Variants in PCDHA3 observed in about 807,000 individuals in gnomAD.
PCDHA3 encodes the protein protocadherin alpha-3.
Under a neutral mutation model 62.2 loss-of-function variants are expected in PCDHA3, and 41 were observed. The ratio of observed to expected loss-of-function variants is 0.66; its 90% CI spans 0.51 to 0.86. PCDHA3 has a LOEUF of 0.86. PCDHA3 is among the 40% of genes least tolerant of loss of function. The probability of loss-of-function intolerance (pLI) is 0.00; values close to 1 mark genes in which losing one functional copy is unlikely to be tolerated. For synonymous variants in PCDHA3, 640 were observed against 555.4 expected (o/e 1.15, Z -2.14); for missense variants, 1,304 against 1,241.2 (o/e 1.05, Z -0.76).
In PCDHA3 at chr5:140,935,562, C is replaced by T. The variant is rs180759633; in HGVS notation, c.2395-43387C>T. Among the ~76,000 whole-genome samples, 423 of 152,262 alleles carry T rather than the reference C, an allele frequency of 2.8e-3. 2 individuals carry two copies. The highest frequency in any genetic ancestry group is 0.014 in the Middle Eastern group (4 of 294). On this transcript the variant is annotated intron_variant, in intron 1 of 3. Transcript: ENST00000522353. Reference sequence around the variant, plus strand: ...TGTTTTAAAGTATCTTGGAAAAGTTCCTCTCTGTGTAGTTAAGCCACCAGC... The same window carrying T: ...TGTTTTAAAGTATCTTGGAAAAGTTTCTCTCTGTGTAGTTAAGCCACCAGC...
At chr5:140,867,584 T>G (rs1386448666) in intron 1 of PCDHA3, 4 of 152,130 alleles carry the variant, frequency 2.6e-5, no homozygotes, top group Non-Finnish European at 5.9e-5. Context: ...CTTGCAGTAT[T>G]TTTAGATTGG....
chr5:140,830,427 G>A, intron 1 of PCDHA3: 1 of 1,613,868 alleles, frequency 6.2e-7, no homozygotes, highest in Non-Finnish European at 8.5e-7. Flanking sequence ...CTTTCACCTT[G>A]TCCTATTATG....
intron 1 of PCDHA3, chr5:140,870,093 A>G (rs1554163808): frequency 6.8e-6 from 11 of 1,613,930 alleles, no homozygotes; most frequent in Non-Finnish European, 9.3e-6. Context: ...CCCCAATGGC[A>G]GGTCACTGTA....
chr5:140,898,338 C>G (rs2066670384), intron 1 of PCDHA3, among the ~76,000 whole-genome samples: 2 of 152,188 alleles, frequency 1.3e-5, no homozygotes, highest in African/African-American at 2.4e-5. Flanking sequence ...ACGTTTAAGT[C>G]TTTAATCCAT....
intron 2 of PCDHA3, among the ~76,000 whole-genome samples, chr5:140,981,993 G>A (rs533430599): frequency 6.6e-6 from 1 of 152,272 alleles, no homozygotes; most frequent in Admixed American, 6.5e-5. Flanking sequence ...TAGAAAATAA[G>A]GTTAAGAATT....
chr5:140,895,668 T>C (rs2065102216), intron 1 of PCDHA3, among the ~76,000 whole-genome samples: 1 of 152,170 alleles, frequency 6.6e-6, no homozygotes, highest in South Asian at 2.1e-4. Flanking sequence ...TGAGAACATG[T>C]AGTATTTGGT....
intron 1 of PCDHA3, among the ~76,000 whole-genome samples, chr5:140,906,294 T>C (rs1554192469): frequency 1.3e-5 from 2 of 152,278 alleles, no homozygotes; most frequent in East Asian, 3.9e-4. Flanking sequence ...AAGACAATAA[T>C]AAGGTCATAA....
In PCDHA3 at chr5:140,896,536, C is replaced by CTTT. The variant is rs34213614; in HGVS notation, c.2395-82403_2395-82401dup. 9.4e-4 allele frequency among the ~76,000 whole-genome samples: 137 copies of CTTT among 145,660 alleles called. 1 individual carries two copies. Among genetic ancestry groups the CTTT allele is most frequent in the East Asian group, 2.8e-3 (14 of 5,008 alleles). On this transcript the variant is annotated intron_variant, in intron 1 of 3. Coordinates refer to ENST00000522353, the MANE Select transcript of PCDHA3 (RefSeq NM_018906.3). ...CACACCACAAAGCCCAGCTATTTTT[C>CTTT]TTTTTTTTTTTTGTATTTTAAGTAG... is the stretch of plus-strand genomic sequence containing the variant.
At chr5:140,989,531 G>C (rs782610172) in intron 3 of PCDHA3, among the ~76,000 whole-genome samples, 1 of 152,198 alleles carries the variant, frequency 6.6e-6, no homozygotes, top group Non-Finnish European at 1.5e-5. Flanking sequence ...AGAGGAGGAA[G>C]ATAGTTTGTA....
chr5:140,989,728 A>T (rs1453115061), intron 3 of PCDHA3, among the ~76,000 whole-genome samples: 6 of 152,184 alleles, frequency 3.9e-5, no homozygotes, highest in Admixed American at 3.9e-4. Flanking sequence ...TTGCAGTTGA[A>T]AAGGCCATTG....
At chr5:140,836,407 C>T (rs2150259988) in intron 1 of PCDHA3, 23 of 1,613,770 alleles carry the variant, frequency 1.4e-5, no homozygotes, top group Non-Finnish European at 1.9e-5. Context: ...AGCGGCCAGG[C>T]ACCAAAGGCG....
chr5:140,903,431 A>G (rs1431018780), intron 1 of PCDHA3, among the ~76,000 whole-genome samples: 3 of 152,242 alleles, frequency 2.0e-5, no homozygotes, highest in South Asian at 2.1e-4. Context: ...CACAATATGT[A>G]TCAGTGGAAT....
chr5:140,849,915 A>G (rs1554143492), intron 1 of PCDHA3: 3 of 1,598,260 alleles, frequency 1.9e-6, no homozygotes, highest in Non-Finnish European at 2.6e-6. Flanking sequence ...GGGCTGCCAC[A>G]TCTTCACGGT....
chr5:140,857,662 T>C lies in PCDHA3; in HGVS notation c.2394+54071T>C, dbSNP rs782577621. The C allele has an allele frequency of 7.5e-6, 12 of 1,596,412 alleles. 2 individuals are homozygous for C. The highest frequency in any genetic ancestry group is 6.7e-5 in the African/African-American group (5 of 74,166). On this transcript the variant is annotated intron_variant, in intron 1 of 3. Transcript: ENST00000522353. ...TACAGTTCCAGGTGAGCGCGCGCGA[T>C]GGGGGCGTGCCGCCTCTGGGCAGCA...
intron 1 of PCDHA3, among the ~76,000 whole-genome samples, chr5:140,904,555 C>A (rs1345633704): frequency 6.6e-6 from 1 of 151,632 alleles, no homozygotes. Flanking sequence ...CATATAATGA[C>A]TTTTTTTTCC....
intron 1 of PCDHA3, chr5:140,841,962 C>T (rs1342346203): frequency 1.2e-6 from 2 of 1,613,786 alleles, no homozygotes; most frequent in Non-Finnish European, 1.7e-6. Context: ...TTCCTGACAG[C>T]CACAGATGGG....
At chr5:140,976,724 T>C (rs372662527) in intron 1 of PCDHA3, among the ~76,000 whole-genome samples, 6 of 152,202 alleles carry the variant, frequency 3.9e-5, no homozygotes, top group African/African-American at 1.4e-4. Flanking sequence ...AGTTCATTTA[T>C]TTAAACACAT....
chr5:140,835,505 G>A (rs2150237079), intron 1 of PCDHA3: 1 of 1,613,954 alleles, frequency 6.2e-7, no homozygotes, highest in Admixed American at 1.7e-5. Flanking sequence ...TGATTAGCGT[G>A]TTTGACCGAG....
intron 1 of PCDHA3, chr5:140,807,093 A>C: frequency 7.3e-7 from 1 of 1,371,290 alleles, no homozygotes; most frequent in African/African-American, 1.4e-5. Context: ...AGTCTGAAAT[A>C]TGGAGGATGC....
Sources: allele counts gnomAD v4.1 joint callset (sites outside exome capture counted in the v4.1 genomes callset), GRCh38; gene constraint gnomAD v4.1.1; transcripts MANE v1.5; gene names NCBI Gene and HGNC (gene_info 2026-07-23, HGNC 2026-07-21).